The following MAP3K4 variants were observed in gnomAD, a reference collection of about 807,000 sequenced individuals.
MAP3K4 encodes mitogen-activated protein kinase kinase kinase 4.
MAP3K4 carries 67 observed loss-of-function variants against 185.6 expected under a neutral mutation model. The observed-to-expected ratio is 0.36, with a 90% confidence interval of 0.30 to 0.44. The LOEUF (loss-of-function observed/expected upper bound fraction) is 0.44, where lower values mean the gene tolerates loss of function less well. Ranked by LOEUF, MAP3K4 falls within the 20% of genes least tolerant of loss-of-function variation. The pLI is 1.00. For missense variants in MAP3K4, 1,551 were observed against 1,995.1 expected (o/e 0.78, Z 4.24); for synonymous variants, 702 against 710.4 (o/e 0.99, Z 0.19).
Position 161,101,674 on chromosome 6 carries a change from G to T in MAP3K4, c.3675-218G>T. On this transcript the variant is annotated intron_variant, in intron 17 of 26. Transcript: ENST00000392142. This position sits in a 1 kb window ranked among gnomAD's most constrained non-coding sequence, Gnocchi z 5.1. ...CTCCACAGCAGCGCTGTTCACTTAG[G>T]GGGCTGATTCTGGTGGGTCTGTCCT... 2.1e-6 allele frequency: 1 copy of T among 482,854 alleles called. No homozygotes were observed. 29.9% of individuals were successfully genotyped at this position (482,854 alleles called of 1,614,324 possible).
chr6:160,999,507 A>G (rs1275534327), intron 1 of MAP3K4, among the ~76,000 whole-genome samples: 1 of 152,242 alleles, frequency 6.6e-6, no homozygotes, highest in Non-Finnish European at 1.5e-5. Context: ...TAGGACGCTT[A>G]GTGTTCATTT....
chr6:161,097,158 C>T lies in MAP3K4; in HGVS notation c.3506C>T (p.Pro1169Leu). The T allele has an allele frequency of 6.2e-7, 1 of 1,614,092 alleles. No homozygotes were observed. The highest frequency in any genetic ancestry group is 8.5e-7 in the Non-Finnish European group (1 of 1,179,974). The change falls in exon 16 of 27, where the codon CCC (proline) becomes CTC (leucine). Residue 1169 changes from proline (P) to leucine (L), a missense_variant. Pro to Leu is a moderately conservative substitution (Grantham distance 98). Around this residue, in one of 16 missense-constraint regions of MAP3K4, gnomAD observed 272 missense variants for 301.2 expected, o/e 0.90. Coordinates refer to ENST00000392142, the MANE Select transcript of MAP3K4 (RefSeq NM_005922.4). This position sits in a 1 kb window ranked among gnomAD's most constrained non-coding sequence, Gnocchi z 4.9. ...SDPPNPHLII[P>L]TPEGFSTRSM... is the part of the protein sequence containing the mutation. ...CCTCCTAACCCACACCTCATTATCC[C>T]CACTCCAGAGGGATTCAGGTATTTG...
chr6:161,010,588 T>A (rs1781800780), intron 1 of MAP3K4, among the ~76,000 whole-genome samples: 2 of 152,232 alleles, frequency 1.3e-5, no homozygotes, highest in South Asian at 4.1e-4. Context: ...TGCCTACTCT[T>A]TATTTTTGTT....
In MAP3K4 at chr6:161,076,399, G is replaced by A. The variant is rs1473348976; in HGVS notation, c.2097+2787G>A. On this transcript the variant is annotated intron_variant, in intron 5 of 26. Coordinates refer to ENST00000392142, the MANE Select transcript of MAP3K4 (RefSeq NM_005922.4). The surrounding 1 kb of genome is among the most constrained non-coding windows in gnomAD (Gnocchi z 4.2). ...GAAGCAGTGATTAGCAAGTTATGATGCAGAAATTCTGTGACCTTGGGGGCT... is the reference window on the plus strand; with the variant it reads ...GAAGCAGTGATTAGCAAGTTATGATACAGAAATTCTGTGACCTTGGGGGCT... Among the ~76,000 whole-genome samples, 1 of 152,206 alleles carries A rather than the reference G, an allele frequency of 6.6e-6. No homozygotes were observed. The highest frequency in any genetic ancestry group is 1.5e-5 in the Non-Finnish European group (1 of 68,040).
intron 2 of MAP3K4, among the ~76,000 whole-genome samples, chr6:161,039,712 C>G (rs1448342750): frequency 6.6e-6 from 1 of 152,102 alleles, no homozygotes; most frequent in Non-Finnish European, 1.5e-5. Flanking sequence ...TGTAAATAAG[C>G]TCTTAGTTTT....
Position 161,058,593 on chromosome 6 carries a change from TATC to T in MAP3K4, c.1707+8618_1707+8620del, listed in dbSNP as rs1784346607. On this transcript the variant is annotated intron_variant, in intron 3 of 26. Coordinates refer to ENST00000392142, the MANE Select transcript of MAP3K4 (RefSeq NM_005922.4). ...GTCCTCTGTCACTGCTCAGAGTAATTATCATCTGGTTTATATTTTCTAGAGTTT... is the reference window on the plus strand; with the variant it reads ...GTCCTCTGTCACTGCTCAGAGTAATTATCTGGTTTATATTTTCTAGAGTTT... Among the ~76,000 whole-genome samples, 3 of 152,314 alleles carry T rather than the reference TATC, an allele frequency of 2.0e-5. No homozygotes were observed. In the South Asian group the frequency reaches 6.2e-4, roughly 32 times the overall value.
rs1185015702 is a variant in MAP3K4, at chr6:161,048,917, G to T, written c.645G>T (p.Arg215Ser). 1 of 1,614,094 alleles carries T rather than the reference G, an allele frequency of 6.2e-7. No individual in the cohort carries two copies. The highest frequency in any genetic ancestry group is 8.5e-7 in the Non-Finnish European group (1 of 1,180,012). Residue 215 changes from arginine to serine, a missense_variant, in exon 3 of 27, where the codon AGG becomes AGT. Physicochemically the swap from Arg to Ser is moderately radical, Grantham distance 110. Coordinates refer to ENST00000392142, the MANE Select transcript of MAP3K4 (RefSeq NM_005922.4). This position sits in a 1 kb window ranked among gnomAD's most constrained non-coding sequence, Gnocchi z 4.7. ...CCAGACCTGCACGCCAGACTTCTAG[G>T]ACTGACTGTCCAGCAGATCGTTTAA... Reference protein sequence around the residue: ...PIARPARQTSRTDCPADRLKF... With the variant: ...PIARPARQTSSTDCPADRLKF...
At chr6:160,992,474 C>T (rs914006261) in intron 1 of MAP3K4, 6 of 233,794 alleles carry the variant, frequency 2.6e-5, no homozygotes, top group Non-Finnish European at 4.1e-5. Flanking sequence ...CTCCCCTCTG[C>T]CCTCATTCGA....
In MAP3K4 at chr6:161,091,869, C is replaced by G; in HGVS notation, c.3136-141C>G. 1 of 714,950 alleles carries G rather than the reference C, an allele frequency of 1.4e-6. No individual in the cohort carries two copies. The highest frequency in any genetic ancestry group is 2.7e-5 in the East Asian group (1 of 37,282). The allele number at this position is 714,950 out of a possible 1,614,324, so 44.3% of individuals were successfully genotyped here. The stretch of plus-strand genomic sequence containing the variant: ...TTGAAACACTGTACTTTCCATAATT[C>G]TTCATACTATTCAAAATATAGAAAT... On this transcript the variant is annotated intron_variant, in intron 12 of 26. Transcript: ENST00000392142. This position sits in a 1 kb window ranked among gnomAD's most constrained non-coding sequence, Gnocchi z 5.5.
At chr6:161,081,101 A>C in intron 6 of MAP3K4, 63 bp downstream of exon 6, 11 of 1,530,122 alleles carry the variant, frequency 7.2e-6, no homozygotes, top group African/African-American at 1.4e-5. Flanking sequence ...CCATTTACTC[A>C]CTGATTCTCT....
At chr6:161,028,351 A>G (rs1484702066) in intron 1 of MAP3K4, among the ~76,000 whole-genome samples, 4 of 150,958 alleles carry the variant, frequency 2.6e-5, no homozygotes, top group Non-Finnish European at 5.9e-5. Flanking sequence ...TCTTACTAGT[A>G]AGTGTGGGGG....
chr6:161,082,854 C>T lies in MAP3K4; in HGVS notation c.2256-1647C>T, dbSNP rs1785521264. Among the ~76,000 whole-genome samples the T allele has an allele frequency of 6.6e-6, 1 of 152,206 alleles. No individual in the cohort carries two copies. Among genetic ancestry groups the T allele is most frequent in the Non-Finnish European group, 1.5e-5 (1 of 68,038 alleles). On this transcript the variant is annotated intron_variant, in intron 6 of 26. Transcript: ENST00000392142. This position sits in a 1 kb window ranked among gnomAD's most constrained non-coding sequence, Gnocchi z 4.2. ...CCTGAAGCCTCCTAGAGTTTATTCT[C>T]AACACCACAGCCTGAATGGTCTGGT...
At chr6:160,993,450 C>G (rs1474497597) in intron 1 of MAP3K4, among the ~76,000 whole-genome samples, 1 of 152,142 alleles carries the variant, frequency 6.6e-6, no homozygotes, top group Non-Finnish European at 1.5e-5. Flanking sequence ...TTCAACAACT[C>G]TATGAGGTAG....
intron 1 of MAP3K4, among the ~76,000 whole-genome samples, chr6:161,000,254 A>G (rs1040216430): frequency 2.0e-4 from 31 of 152,214 alleles, no homozygotes; most frequent in African/African-American, 6.8e-4. Context: ...ATTACCCACA[A>G]ATAGGTTGTG....
rs1210161544 is a variant in MAP3K4, at chr6:161,114,908, G to T, written c.4627-215G>T. On this transcript the variant is annotated intron_variant, in intron 25 of 26. Coordinates refer to ENST00000392142, the MANE Select transcript of MAP3K4 (RefSeq NM_005922.4). The surrounding 1 kb of genome is among the most constrained non-coding windows in gnomAD (Gnocchi z 4.3). Reference sequence around the variant, plus strand: ...GAACAGTCATATTCATTTATGTGTTGTCCATAGCTGCTACCATGCTGCCAT... The same window carrying T: ...GAACAGTCATATTCATTTATGTGTTTTCCATAGCTGCTACCATGCTGCCAT... Among the ~76,000 whole-genome samples the T allele has an allele frequency of 3.3e-5, 5 of 152,250 alleles. No individual in the cohort carries two copies. Among genetic ancestry groups the T allele is most frequent in the Middle Eastern group, 6.8e-3 (2 of 294 alleles).
rs540234717 is a variant in MAP3K4, at chr6:161,109,578, A to T, written c.4237-177A>T. Among the ~76,000 whole-genome samples, 1 of 152,178 alleles carries T rather than the reference A, an allele frequency of 6.6e-6. No homozygotes were observed. Among genetic ancestry groups the T allele is most frequent in the Non-Finnish European group, 1.5e-5 (1 of 68,024 alleles). On this transcript the variant is annotated intron_variant, in intron 22 of 26. Coordinates refer to ENST00000392142, the MANE Select transcript of MAP3K4 (RefSeq NM_005922.4). This position sits in a 1 kb window ranked among gnomAD's most constrained non-coding sequence, Gnocchi z 5.7. ...ACAGAGGAGGCAGGCAGACACCTCT[A>T]TAGAGGACTTAGAAACGACTGTTGT...
At chr6:161,044,067 A>G (rs1234712339) in intron 2 of MAP3K4, among the ~76,000 whole-genome samples, 2 of 152,194 alleles carry the variant, frequency 1.3e-5, no homozygotes, top group African/African-American at 4.8e-5. Flanking sequence ...GTTTCATTAT[A>G]AAGTTTTCTT....
At position 161,080,625 on chromosome 6, in the gene MAP3K4, T is replaced by G; in HGVS notation, c.2098-256T>G. 1 of 415,512 alleles carries G rather than the reference T, an allele frequency of 2.4e-6. No individual in the cohort carries two copies. The highest frequency in any genetic ancestry group is 2.0e-5 in the African/African-American group (1 of 48,804). 25.7% of individuals were successfully genotyped at this position (415,512 alleles called of 1,614,324 possible). A position where few individuals can be genotyped will look rare whatever the true frequency, so the allele number is the denominator to read the frequency against. On this transcript the variant is annotated intron_variant, in intron 5 of 26. Coordinates refer to ENST00000392142, the MANE Select transcript of MAP3K4 (RefSeq NM_005922.4). This position sits in a 1 kb window ranked among gnomAD's most constrained non-coding sequence, Gnocchi z 4.8. ...TCCCCTTTATTGTAGATTGTGAACA[T>G]TTTTGTTGTTAGGATTTTGAAGGGG...
chr6:160,994,138 A>G (rs1583075840), intron 1 of MAP3K4, among the ~76,000 whole-genome samples: 1 of 148,282 alleles, frequency 6.7e-6, no homozygotes, highest in East Asian at 2.0e-4. Context: ...TTTTTTTACA[A>G]TTTTCTTTTT....
Sources: allele counts gnomAD v4.1 joint callset (sites outside exome capture counted in the v4.1 genomes callset), GRCh38; gene constraint gnomAD v4.1.1; regional missense constraint gnomAD v4.1.1; non-coding constraint Gnocchi (gnomAD v3.1); transcripts MANE v1.5; gene names NCBI Gene and HGNC (gene_info 2026-07-23, HGNC 2026-07-21).